Variants in ADAMTS3 observed in about 807,000 individuals in gnomAD.
The protein encoded by ADAMTS3 is ADAM metallopeptidase with thrombospondin type 1 motif 3.
In ADAMTS3, 73 loss-of-function variants were observed where a neutral mutation model predicts 129.0. The observed-to-expected ratio is 0.57, with a 90% CI of 0.47 to 0.69. ADAMTS3 has a LOEUF of 0.69. Among genes scored for constraint, ADAMTS3 ranks in the 30% least tolerant of loss-of-function variants. The pLI, the probability that ADAMTS3 is intolerant of heterozygous loss-of-function variation, is 0.00. For synonymous variants in ADAMTS3, 477 were observed against 510.8 expected, an observed-to-expected ratio of 0.93 and a Z score of 0.89; for missense variants, 1,457 against 1,514.5, an observed-to-expected ratio of 0.96 and a Z score of 0.63.
intron 3 of ADAMTS3, among the ~76,000 whole-genome samples, chr4:72,439,324 C>T (rs1040399819): frequency 6.6e-6 from 1 of 151,628 alleles, no homozygotes; most frequent in African/African-American, 2.4e-5. Flanking sequence ...AGCTTATTTT[C>T]TCAAAAAGCT....
intron 4 of ADAMTS3, among the ~76,000 whole-genome samples, chr4:72,376,075 T>C (rs1721126747): frequency 6.6e-6 from 1 of 152,212 alleles, no homozygotes; most frequent in Admixed American, 6.5e-5. Context: ...CACCAGGTAG[T>C]TGCAAATTCT....
rs371984566 is a variant in ADAMTS3 at position 72,319,396 on chromosome 4, G to A, written c.1288C>T (p.Gln430Ter). The part of the protein sequence containing the change: ...AMGSVMAPLV[Q>*]AAFHRYHWSR... Reference sequence around the variant, plus strand: ...CAGTGGTAACGATGGAATGCTGCTTGTACCAAGGGAGCCATGACACTTCCC... The same window carrying A: ...CAGTGGTAACGATGGAATGCTGCTTATACCAAGGGAGCCATGACACTTCCC... The change falls in exon 9 of 22, where the codon CAA becomes TAA. Residue 430 changes from glutamine to a stop codon, truncating the protein, a stop_gained. Transcript: ENST00000286657. LOFTEE classifies it high-confidence loss of function. 1 of 1,613,952 alleles carries A rather than the reference G, an allele frequency of 6.2e-7. No individual in the cohort carries two copies. The highest frequency in any genetic ancestry group is 8.5e-7 in the Non-Finnish European group (1 of 1,179,934).
intron 3 of ADAMTS3, among the ~76,000 whole-genome samples, chr4:72,425,795 C>T (rs1423746573): frequency 1.5e-4 from 22 of 151,568 alleles, no homozygotes; most frequent in Non-Finnish European, 1.2e-4. Context: ...AATAAACATA[C>T]GTGTGCATGT....
chr4:72,437,988 T>A (rs1279177260), intron 3 of ADAMTS3, among the ~76,000 whole-genome samples: 1 of 151,770 alleles, frequency 6.6e-6, no homozygotes, highest in Non-Finnish European at 1.5e-5. Context: ...CGTTTTGAGT[T>A]CCCATAAATG....
intron 3 of ADAMTS3, among the ~76,000 whole-genome samples, chr4:72,491,292 G>GT (rs1435284306): frequency 1.3e-5 from 2 of 151,406 alleles, no homozygotes; most frequent in Admixed American, 6.6e-5. Flanking sequence ...TCTTCTTTTT[G>GT]TTTTTTTCTT....
intron 2 of ADAMTS3, among the ~76,000 whole-genome samples, chr4:72,551,812 T>C (rs1721652724): frequency 6.6e-6 from 1 of 152,198 alleles, no homozygotes. Flanking sequence ...CTGAAGACCA[T>C]GCTCCTATGC....
chr4:72,450,969 A>AAAGAAGAGAAGAGAAG (rs1718385374), intron 3 of ADAMTS3, among the ~76,000 whole-genome samples: 3 of 140,150 alleles, frequency 2.1e-5, no homozygotes, highest in Non-Finnish European at 4.6e-5. Flanking sequence ...GGCAGGCAAA[A>AAAGAAGAGAAGAGAAG]AGAAGAGAAG....
At chr4:72,389,467 T>C (rs1031447634) in intron 4 of ADAMTS3, among the ~76,000 whole-genome samples, 1 of 152,092 alleles carries the variant, frequency 6.6e-6, no homozygotes, top group Non-Finnish European at 1.5e-5. Flanking sequence ...ATGTCTATAA[T>C]TTTATTTTTG....
In ADAMTS3 at chr4:72,569,064, G is replaced by C; in HGVS notation, c.-302C>G. 2.2e-6 allele frequency: 1 copy of C among 455,178 alleles called. No individual in the cohort carries two copies. The highest frequency in any genetic ancestry group is 3.9e-6 in the Non-Finnish European group (1 of 255,292). 28.2% of individuals were successfully genotyped at this position (455,178 alleles called of 1,614,324 possible). Reference sequence around the variant, plus strand: ...TAAGCCTGGGAGAGGGGGAAGGGACGAGGGGCTTTCCAACTATCTCTGCCC... The same window carrying C: ...TAAGCCTGGGAGAGGGGGAAGGGACCAGGGGCTTTCCAACTATCTCTGCCC... On this transcript the variant is annotated 5_prime_UTR_variant, in exon 1 of 22. Transcript: ENST00000286657.
At chr4:72,391,574 C>T (rs2109893761) in intron 4 of ADAMTS3, among the ~76,000 whole-genome samples, 1 of 152,198 alleles carries the variant, frequency 6.6e-6, no homozygotes, top group East Asian at 1.9e-4. Flanking sequence ...TAAGCAGGGA[C>T]CAAATCTCTG....
At position 72,311,061 on chromosome 4, in the gene ADAMTS3, C is replaced by T. The variant is rs769916718; in HGVS notation, c.2042G>A (p.Arg681Gln). ...SYKDPYSICV[R>Q]GECVKVGCDK... Reference sequence around the variant, plus strand: ...ATTTGAACTTACCACACACTCTCCTCGCACACATATGCTATATGGATCTTT... The same window carrying T: ...ATTTGAACTTACCACACACTCTCCTTGCACACATATGCTATATGGATCTTT... The change falls in exon 14 of 22, where the codon CGA (arginine) becomes CAA (glutamine). Residue 681 changes from arginine (R) to glutamine (Q), a missense_variant. Coordinates refer to ENST00000286657, the MANE Select transcript of ADAMTS3 (RefSeq NM_014243.3). The T allele has an allele frequency of 1.8e-5, 29 of 1,607,530 alleles. No homozygotes were observed. The Middle Eastern group carries it at 1.3e-3, about 73-fold the overall frequency.
rs1326257922 is a variant in ADAMTS3, at chr4:72,282,579, C to T, written c.*557G>A. ...AATACTCAACGACAGGCACCTAGAA[C>T]ATCCAGAAATGTAATATAGTAAACA... On this transcript the variant is annotated 3_prime_UTR_variant, in exon 22 of 22. Transcript: ENST00000286657. The T allele has an allele frequency of 6.6e-6, 1 of 152,586 alleles. No individual in the cohort carries two copies. Among genetic ancestry groups the T allele is most frequent in the Non-Finnish European group, 1.5e-5 (1 of 68,040 alleles). 9.5% of individuals were successfully genotyped at this position (152,586 alleles called of 1,614,324 possible). A position where few individuals can be genotyped will look rare whatever the true frequency, so the allele number is the denominator to read the frequency against.
intron 3 of ADAMTS3, among the ~76,000 whole-genome samples, chr4:72,510,608 T>C (rs1403796112): frequency 6.6e-6 from 1 of 151,664 alleles, no homozygotes; most frequent in Non-Finnish European, 1.5e-5. Flanking sequence ...TGAAATAAAT[T>C]GAAGAGGACA....
chr4:72,484,747 T>C (rs1055104785), intron 3 of ADAMTS3, among the ~76,000 whole-genome samples: 6 of 152,172 alleles, frequency 3.9e-5, no homozygotes, highest in Admixed American at 1.3e-4. Flanking sequence ...TGGCTGCTAT[T>C]GCAGCATATA....
chr4:72,340,398 A>G (rs943015075), intron 4 of ADAMTS3, among the ~76,000 whole-genome samples: 3 of 151,742 alleles, frequency 2.0e-5, no homozygotes, highest in African/African-American at 7.3e-5. Flanking sequence ...TTATATATAT[A>G]TGCCAATAAA....
At chr4:72,353,756 C>G (rs1241876929) in intron 4 of ADAMTS3, among the ~76,000 whole-genome samples, 1 of 151,944 alleles carries the variant, frequency 6.6e-6, no homozygotes, top group African/African-American at 2.4e-5. Flanking sequence ...TTTCAATTTC[C>G]TAAAACTGAA....
At chr4:72,317,232 C>T (rs1205323943) in intron 10 of ADAMTS3, among the ~76,000 whole-genome samples, 1 of 151,976 alleles carries the variant, frequency 6.6e-6, no homozygotes, top group Non-Finnish European at 1.5e-5. Flanking sequence ...TGTTCTAATC[C>T]TTATTATCGA....
chr4:72,350,803 T>G (rs1414264637), intron 4 of ADAMTS3, among the ~76,000 whole-genome samples: 1 of 152,032 alleles, frequency 6.6e-6, no homozygotes, highest in Non-Finnish European at 1.5e-5. Flanking sequence ...CCTCTGATTT[T>G]TTTTAGGTGG....
chr4:72,470,017 G>T (rs1412088010), intron 3 of ADAMTS3, among the ~76,000 whole-genome samples: 1 of 152,230 alleles, frequency 6.6e-6, no homozygotes, highest in Admixed American at 6.5e-5. Context: ...CATGGGGGTT[G>T]GTTGCCCAAC....
Sources: gnomAD v4.1 joint callset for allele counts (sites outside exome capture counted in the v4.1 genomes callset) on GRCh38, gnomAD v4.1.1 for gene constraint, MANE v1.5 for transcripts, NCBI Gene and HGNC (gene_info 2026-07-23, HGNC 2026-07-21) for gene names.